CRACD: variants seen among roughly 807,000 people sequenced by gnomAD.
The protein encoded by CRACD is capping protein-inhibiting regulator of actin dynamics.
In CRACD, 56 loss-of-function variants were observed where a neutral mutation model predicts 106.8. That is an observed-to-expected ratio of 0.52 (90% CI 0.42 to 0.66). CRACD has a LOEUF of 0.66. CRACD is among the 30% of genes least tolerant of loss of function. The pLI is 0.00. For synonymous variants in CRACD, 754 were observed against 670.8 expected (o/e 1.12, Z -1.92); for missense variants, 1,730 against 1,623.2 (o/e 1.07, Z -1.13).
chr4:56,231,095 T>C (rs980322397), intron 2 of CRACD, among the ~76,000 whole-genome samples: 5 of 152,202 alleles, frequency 3.3e-5, no homozygotes, highest in Non-Finnish European at 7.3e-5. Context: ...ACAAACACTT[T>C]ACCTAAAGAG....
At chr4:56,216,701 C>T (rs1209701194) in intron 2 of CRACD, among the ~76,000 whole-genome samples, 3 of 152,132 alleles carry the variant, frequency 2.0e-5, no homozygotes, top group Non-Finnish European at 4.4e-5. Context: ...AAATGTCAGG[C>T]CGGGCGCGGT....
At chr4:56,221,886 A>G (rs1739056946) in intron 2 of CRACD, among the ~76,000 whole-genome samples, 3 of 152,162 alleles carry the variant, frequency 2.0e-5, no homozygotes, top group South Asian at 2.1e-4. Flanking sequence ...AAGTCAAAAA[A>G]CAGTAGATGT....
chr4:56,319,123 G>A (rs921772363), intron 8 of CRACD, among the ~76,000 whole-genome samples: 2 of 151,894 alleles, frequency 1.3e-5, no homozygotes, highest in African/African-American at 2.4e-5. Flanking sequence ...ATATAAACTC[G>A]CCAAACTGCA....
At chr4:56,195,750 A>G (rs1737578150) in intron 2 of CRACD, among the ~76,000 whole-genome samples, 1 of 152,218 alleles carries the variant, frequency 6.6e-6, no homozygotes, top group Non-Finnish European at 1.5e-5. Context: ...TTATTGGGAA[A>G]ATAACACAGG....
intron 2 of CRACD, among the ~76,000 whole-genome samples, chr4:56,180,869 A>G (rs1227267270): frequency 6.6e-6 from 1 of 152,148 alleles, no homozygotes; most frequent in African/African-American, 2.4e-5. Context: ...AGTCAGTCTG[A>G]TTTCTTGTAA....
At chr4:56,237,772 A>G in intron 2 of CRACD, among the ~76,000 whole-genome samples, 1 of 151,904 alleles carries the variant, frequency 6.6e-6, no homozygotes, top group Admixed American at 6.6e-5. Context: ...AAACACATAC[A>G]CATACACATA....
At chr4:56,076,701 A>G (rs1354352034) in intron 1 of CRACD, among the ~76,000 whole-genome samples, 1 of 152,116 alleles carries the variant, frequency 6.6e-6, no homozygotes, top group East Asian at 1.9e-4. Context: ...AACTTCCTCC[A>G]GGAGGCTTTT....
intron 1 of CRACD, among the ~76,000 whole-genome samples, chr4:56,117,187 A>T (rs1314878032): frequency 6.6e-6 from 1 of 151,374 alleles, no homozygotes; most frequent in African/African-American, 2.4e-5. Context: ...CGCCTGGCTA[A>T]TTTTTTTGTA....
intron 1 of CRACD, among the ~76,000 whole-genome samples, chr4:56,061,411 A>T (rs982741009): frequency 2.0e-5 from 3 of 151,992 alleles, no homozygotes; most frequent in African/African-American, 7.3e-5. Flanking sequence ...GGCTCAAGTG[A>T]TCTACCTGCC....
chr4:56,105,280 C>G (rs1360421237), intron 1 of CRACD, among the ~76,000 whole-genome samples: 1 of 152,216 alleles, frequency 6.6e-6, no homozygotes, highest in Non-Finnish European at 1.5e-5. Flanking sequence ...GGGTGGATCA[C>G]TTGAGGCCAG....
chr4:56,276,797 G>A (rs1441056842), intron 3 of CRACD, among the ~76,000 whole-genome samples: 2 of 152,220 alleles, frequency 1.3e-5, no homozygotes, highest in African/African-American at 4.8e-5. Flanking sequence ...CCAGCTGCCT[G>A]ATTGAGGCTC....
At chr4:56,247,244 T>C (rs1740736267) in intron 2 of CRACD, among the ~76,000 whole-genome samples, 1 of 152,030 alleles carries the variant, frequency 6.6e-6, no homozygotes, top group Non-Finnish European at 1.5e-5. Context: ...AGGTGTAGAC[T>C]GTATCTTTTG....
intron 3 of CRACD, among the ~76,000 whole-genome samples, chr4:56,283,334 T>A (rs1743140096): frequency 6.6e-6 from 1 of 152,144 alleles, no homozygotes. Context: ...AGAAGCATAG[T>A]GTGGTAGCTG....
chr4:56,138,445 A>G (rs973166651), intron 1 of CRACD, among the ~76,000 whole-genome samples: 1 of 152,172 alleles, frequency 6.6e-6, no homozygotes, highest in African/African-American at 2.4e-5. Context: ...AGCCTGGGTG[A>G]TAGAGCAACA....
intron 3 of CRACD, among the ~76,000 whole-genome samples, chr4:56,280,672 A>G (rs1577850310): frequency 6.6e-6 from 1 of 152,148 alleles, no homozygotes; most frequent in East Asian, 1.9e-4. Flanking sequence ...CCCCATACTG[A>G]CTTTTCCCAC....
At chr4:56,154,546 G>A (rs978187316) in intron 1 of CRACD, among the ~76,000 whole-genome samples, 2 of 152,044 alleles carry the variant, frequency 1.3e-5, no homozygotes, top group African/African-American at 4.8e-5. Context: ...ATACAAAGGG[G>A]TGAGACAGGA....
chr4:56,122,508 T>A (rs1734524421), intron 1 of CRACD, among the ~76,000 whole-genome samples: 6 of 152,160 alleles, frequency 3.9e-5, no homozygotes, highest in Admixed American at 3.9e-4. Flanking sequence ...TCGAGTCTTG[T>A]TTTTTGATTT....
Position 56,270,054 on chromosome 4 carries a change from C to T in CRACD, c.-188-2267C>T, listed in dbSNP as rs76149222. ...CTTTAAATGTGATCTGACACAACGT[C>T]GTTTCAGGGGACCACTGATGTTGGA... On this transcript the variant is annotated intron_variant, in intron 2 of 10. Coordinates refer to ENST00000682029, the MANE Select transcript of CRACD (RefSeq NM_001393381.1). Among the ~76,000 whole-genome samples the T allele has an allele frequency of 2.7e-3, 404 of 152,272 alleles. 4 individuals carry two copies. The East Asian group carries it at 0.041, about 15-fold the overall frequency.
chr4:56,057,911 C>T (rs1332145282), intron 1 of CRACD, among the ~76,000 whole-genome samples: 2 of 113,214 alleles, frequency 1.8e-5, no homozygotes, highest in African/African-American at 4.6e-5. Flanking sequence ...CTCCGCCTCC[C>T]GGGTTCACGC....
Sources: allele counts gnomAD v4.1 joint callset (sites outside exome capture counted in the v4.1 genomes callset), GRCh38; gene constraint gnomAD v4.1.1; transcripts MANE v1.5; gene names NCBI Gene and HGNC (gene_info 2026-07-23, HGNC 2026-07-21).